The following TMEFF2 variants were observed in gnomAD, a reference collection of about 807,000 sequenced individuals.
TMEFF2 encodes transmembrane protein with EGF like and two follistatin like domains 2.
TMEFF2 carries 28 observed loss-of-function variants against 53.8 expected under a neutral mutation model. The ratio of observed to expected loss-of-function variants is 0.52; its 90% CI spans 0.39 to 0.71. The LOEUF (loss-of-function observed/expected upper bound fraction) is 0.71. Ranked by LOEUF, TMEFF2 falls within the 30% of genes least tolerant of loss-of-function variation. TMEFF2 has a pLI of 0.00. For synonymous variants in TMEFF2, 162 were observed against 166.3 expected (o/e 0.97, Z 0.20); for missense variants, 353 against 455.2 (o/e 0.78, Z 2.04).
chr2:191,991,769 T>C (rs546451681), intron 7 of TMEFF2, among the ~76,000 whole-genome samples: 1 of 152,256 alleles, frequency 6.6e-6, no homozygotes, highest in Non-Finnish European at 1.5e-5. Context: ...GATGCGTTTA[T>C]GAACTGGTGC....
At position 191,999,039 on chromosome 2, in the gene TMEFF2, GA is replaced by G. The variant is rs763911869; in HGVS notation, c.685+20del. ...AAAGACTAAAATCATTCTTTGAAAT[GA>G]ATTTTGGTATGAACATTACCTTGAC... On this transcript the variant is annotated intron_variant, in intron 6 of 9. Transcript: ENST00000272771. 2 of 1,571,408 alleles carry G rather than the reference GA, an allele frequency of 1.3e-6. No homozygotes were observed. The highest frequency in any genetic ancestry group is 1.7e-6 in the Non-Finnish European group (2 of 1,154,908).
intron 5 of TMEFF2, among the ~76,000 whole-genome samples, chr2:192,041,387 T>C (rs1687476724): frequency 6.6e-6 from 1 of 152,166 alleles, no homozygotes; most frequent in South Asian, 2.1e-4. Context: ...ATTAGACCTG[T>C]GAAATGTGAA....
At chr2:191,969,206 A>AAGTG (rs149196911) in intron 7 of TMEFF2, among the ~76,000 whole-genome samples, 7,738 of 151,898 alleles carry the variant, frequency 0.051, 641 homozygotes, top group African/African-American at 0.18. Flanking sequence ...GACTGACACA[A>AAGTG]AGTGTTCAAT....
intron 7 of TMEFF2, among the ~76,000 whole-genome samples, chr2:191,990,416 AGTGT>A (rs55848067): frequency 6.8e-6 from 1 of 147,244 alleles, no homozygotes; most frequent in Non-Finnish European, 1.5e-5. Flanking sequence ...TGCTCAGAAT[AGTGT>A]GTGTGTGTGT....
At chr2:192,102,426 C>A (rs997519529) in intron 4 of TMEFF2, among the ~76,000 whole-genome samples, 1 of 152,008 alleles carries the variant, frequency 6.6e-6, no homozygotes, top group Non-Finnish European at 1.5e-5. Context: ...CAACTCCAAG[C>A]CTATTTTCCA....
intron 4 of TMEFF2, among the ~76,000 whole-genome samples, chr2:192,077,379 TA>T (rs991619577): frequency 1.3e-5 from 2 of 152,108 alleles, no homozygotes; most frequent in East Asian, 3.9e-4. Context: ...GTATAATGTA[TA>T]AAAAAACTCT....
At position 191,949,822 on chromosome 2, in the gene TMEFF2, A is replaced by C. The variant is rs1431222212; in HGVS notation, c.*489T>G. On this transcript the variant is annotated 3_prime_UTR_variant, in exon 10 of 10. Coordinates refer to ENST00000272771, the MANE Select transcript of TMEFF2 (RefSeq NM_016192.4). ...ATTTTATCCTCACTCGATATAAAGT[A>C]AATTATTTTTTCTCTTTTCCAATAA... The C allele has an allele frequency of 1.0e-6, 1 of 985,476 alleles. No individual in the cohort carries two copies. Among genetic ancestry groups the C allele is most frequent in the African/African-American group, 1.7e-5 (1 of 57,240 alleles). The allele number at this position is 985,476 out of a possible 1,614,324, so 61.0% of individuals were successfully genotyped here. A position where few individuals can be genotyped will look rare whatever the true frequency, so the allele number is the denominator to read the frequency against.
intron 5 of TMEFF2, among the ~76,000 whole-genome samples, chr2:192,012,110 A>AGG (rs1327500353): frequency 6.6e-6 from 1 of 152,024 alleles, no homozygotes; most frequent in Non-Finnish European, 1.5e-5. Context: ...TCACTGTGTT[A>AGG]GCCAGGATGG....
chr2:191,990,281 T>C (rs896936929), intron 7 of TMEFF2, among the ~76,000 whole-genome samples: 1 of 152,196 alleles, frequency 6.6e-6, no homozygotes, highest in Non-Finnish European at 1.5e-5. Flanking sequence ...ACTTTTTTAG[T>C]TGATAATGTT....
At chr2:192,118,584 C>T (rs1334391673) in intron 4 of TMEFF2, among the ~76,000 whole-genome samples, 1 of 152,118 alleles carries the variant, frequency 6.6e-6, no homozygotes, top group Non-Finnish European at 1.5e-5. Context: ...GGTTTAATTA[C>T]AGAAGTTGTC....
intron 7 of TMEFF2, among the ~76,000 whole-genome samples, chr2:191,975,265 CT>C (rs57057771): frequency 0.016 from 1,455 of 88,354 alleles, 24 homozygotes; most frequent in African/African-American, 0.043. Flanking sequence ...TCTTTTTCTT[CT>C]TTTTTTTTTT....
intron 4 of TMEFF2, among the ~76,000 whole-genome samples, chr2:192,142,521 A>T (rs1690163024): frequency 6.6e-6 from 1 of 152,162 alleles, no homozygotes; most frequent in Admixed American, 6.6e-5. Context: ...TTTACTGGAC[A>T]TTATGGAATT....
intron 7 of TMEFF2, among the ~76,000 whole-genome samples, chr2:191,959,719 C>T (rs943319332): frequency 6.6e-6 from 1 of 152,110 alleles, no homozygotes; most frequent in South Asian, 2.1e-4. Flanking sequence ...CAAAGGAACA[C>T]ATTATGGATC....
At chr2:192,168,560 A>G (rs138968231) in intron 4 of TMEFF2, among the ~76,000 whole-genome samples, 144 of 152,252 alleles carry the variant, frequency 9.5e-4, no homozygotes, top group African/African-American at 3.4e-3. Context: ...AATGAGGTAG[A>G]TCACAAGTTC....
At chr2:191,999,039 G>A (rs1037946436) in intron 6 of TMEFF2, 21 bp downstream of exon 6, 24 of 1,571,408 alleles carry the variant, frequency 1.5e-5, no homozygotes, top group Non-Finnish European at 2.1e-5. Flanking sequence ...TCTTTGAAAT[G>A]AATTTTGGTA....
chr2:191,997,764 TAA>T (rs1219538218), intron 7 of TMEFF2, among the ~76,000 whole-genome samples: 1 of 151,802 alleles, frequency 6.6e-6, no homozygotes, highest in Non-Finnish European at 1.5e-5. Context: ...CAAAATAAGT[TAA>T]AGAAATTTAC....
intron 4 of TMEFF2, among the ~76,000 whole-genome samples, chr2:192,160,519 C>T (rs1387718229): frequency 6.6e-6 from 1 of 151,996 alleles, no homozygotes; most frequent in African/African-American, 2.4e-5. Context: ...AAACAATTTA[C>T]CTACAGAATC....
In TMEFF2 at chr2:192,194,807, C is replaced by A; in HGVS notation, c.-283G>T. The A allele has an allele frequency of 2.2e-6, 1 of 457,704 alleles. No individual in the cohort carries two copies. The highest frequency in any genetic ancestry group is 2.4e-5 in the South Asian group (1 of 42,542). 28.4% of individuals were successfully genotyped at this position (457,704 alleles called of 1,614,324 possible). A position where few individuals can be genotyped will look rare whatever the true frequency, so the allele number is the denominator to read the frequency against. On this transcript the variant is annotated 5_prime_UTR_variant, in exon 1 of 10. Coordinates refer to ENST00000272771, the MANE Select transcript of TMEFF2 (RefSeq NM_016192.4). This position sits in a 1 kb window ranked among gnomAD's most constrained non-coding sequence, Gnocchi z 4.2. ...CCATAAGGAGGGAGCTCTGGGAAGC[C>A]GGAGGACAGGAGGAGACGGGAGTCC...
intron 7 of TMEFF2, among the ~76,000 whole-genome samples, chr2:191,957,135 T>G (rs1692128662): frequency 6.6e-6 from 1 of 152,218 alleles, no homozygotes; most frequent in Admixed American, 6.5e-5. Flanking sequence ...CATTACAACA[T>G]GTTCTACTTG....
Sources: allele counts gnomAD v4.1 joint callset (sites outside exome capture counted in the v4.1 genomes callset), GRCh38; gene constraint gnomAD v4.1.1; non-coding constraint Gnocchi (gnomAD v3.1); transcripts MANE v1.5; gene names NCBI Gene and HGNC (gene_info 2026-07-23, HGNC 2026-07-21).